Variants in PCBP3 observed in about 807,000 individuals in gnomAD.
The protein encoded by PCBP3 is poly(rC)-binding protein 3.
PCBP3 carries 25 observed loss-of-function variants against 52.7 expected under a neutral mutation model. That is an observed-to-expected ratio of 0.47 (90% CI 0.35 to 0.66). The LOEUF (loss-of-function observed/expected upper bound fraction) is 0.66, where lower values mean the gene tolerates loss of function less well. Among genes scored for constraint, PCBP3 ranks in the 30% least tolerant of loss-of-function variants. The pLI is 0.01. For missense variants in PCBP3, 391 were observed against 490.3 expected (o/e 0.80, Z 1.91); for synonymous variants, 162 against 183.0 (o/e 0.89, Z 0.93).
At chr21:45,717,739 A>G (rs750358632) in intron 2 of PCBP3, among the ~76,000 whole-genome samples, 2 of 152,028 alleles carry the variant, frequency 1.3e-5, no homozygotes, top group African/African-American at 2.4e-5. Flanking sequence ...GTTTGCTAAT[A>G]TTTTTGTTGT....
At chr21:45,726,215 C>A (rs2085030454) in intron 2 of PCBP3, among the ~76,000 whole-genome samples, 1 of 152,056 alleles carries the variant, frequency 6.6e-6, no homozygotes, top group Non-Finnish European at 1.5e-5. Context: ...AGGATTTGGT[C>A]TTGGACTTCA....
At chr21:45,858,201 G>C (rs1249764667) in intron 5 of PCBP3, 5 of 152,302 alleles carry the variant, frequency 3.3e-5, no homozygotes, top group Admixed American at 2.0e-4. Flanking sequence ...AGAAGTTACT[G>C]TAGGACCTGT....
intron 13 of PCBP3, among the ~76,000 whole-genome samples, chr21:45,926,352 T>A (rs886370182): frequency 1.3e-5 from 2 of 152,230 alleles, no homozygotes; most frequent in Non-Finnish European, 2.9e-5. Context: ...TAAACAACTG[T>A]GTTACTGGTT....
At chr21:45,781,552 C>T (rs562655344) in intron 4 of PCBP3, among the ~76,000 whole-genome samples, 26 of 152,236 alleles carry the variant, frequency 1.7e-4, no homozygotes, top group African/African-American at 6.0e-4. Context: ...GGAAATGGTA[C>T]AGTTACTTTG....
chr21:45,833,429 A>G (rs2093502241), intron 4 of PCBP3, among the ~76,000 whole-genome samples: 1 of 152,182 alleles, frequency 6.6e-6, no homozygotes, highest in South Asian at 2.1e-4. Context: ...CTTAGAACCT[A>G]AAAAATCCAG....
Position 45,788,027 on chromosome 21 carries a change from A to C in PCBP3, c.-126+32575A>C, listed in dbSNP as rs1280359351. On this transcript the variant is annotated intron_variant, in intron 4 of 17. Coordinates refer to ENST00000681687, the MANE Select transcript of PCBP3 (RefSeq NM_001384156.1). The surrounding 1 kb of genome is among the most constrained non-coding windows in gnomAD (Gnocchi z 4.3). ...GGAAGATGGGGGCACCTACAGTTGC[A>C]AGGTGGGCACCAGTTGTCAGGAGTT... 6.6e-6 allele frequency among the ~76,000 whole-genome samples: 1 copy of C among 152,164 alleles called. No individual in the cohort carries two copies. Among genetic ancestry groups the C allele is most frequent in the Non-Finnish European group, 1.5e-5 (1 of 68,016 alleles).
chr21:45,754,863 T>A (rs2087880290), intron 3 of PCBP3, among the ~76,000 whole-genome samples: 1 of 152,242 alleles, frequency 6.6e-6, no homozygotes, highest in African/African-American at 2.4e-5. Flanking sequence ...TGGTTACTTT[T>A]AAGATTTTCC....
At chr21:45,877,427 T>G (rs1382076756) in intron 5 of PCBP3, among the ~76,000 whole-genome samples, 1 of 152,230 alleles carries the variant, frequency 6.6e-6, no homozygotes, top group East Asian at 1.9e-4. Flanking sequence ...TTTGAATATT[T>G]TTTTAAAAAA....
intron 13 of PCBP3, among the ~76,000 whole-genome samples, chr21:45,921,250 A>T (rs1367208053): frequency 8.3e-6 from 1 of 120,110 alleles, no homozygotes; most frequent in Non-Finnish European, 2.1e-5. Context: ...ATATAATTAT[A>T]GAATATGTTG....
At chr21:45,718,297 A>G (rs1032621304) in intron 2 of PCBP3, among the ~76,000 whole-genome samples, 5 of 148,080 alleles carry the variant, frequency 3.4e-5, no homozygotes, top group African/African-American at 1.2e-4. Context: ...TATTCTGTTT[A>G]ATTTCTATTT....
chr21:45,866,790 C>A (rs2148540675), intron 5 of PCBP3, among the ~76,000 whole-genome samples: 1 of 152,282 alleles, frequency 6.6e-6, no homozygotes, highest in South Asian at 2.1e-4. Flanking sequence ...CCTCTCCTCT[C>A]CCCTCCCTTC....
At chr21:45,667,083 T>TTTCTTTCTTTCTTTCC (rs1409030135) in intron 1 of PCBP3, among the ~76,000 whole-genome samples, 14 of 61,374 alleles carry the variant, frequency 2.3e-4, no homozygotes, top group East Asian at 3.4e-3. Flanking sequence ...TTGTTCTTTC[T>TTTCTTTCTTTCTTTCC]TTCTTTCTTT....
intron 4 of PCBP3, among the ~76,000 whole-genome samples, chr21:45,822,978 A>ACCT (rs1351861014): frequency 2.0e-5 from 3 of 152,170 alleles, no homozygotes; most frequent in Non-Finnish European, 4.4e-5. Flanking sequence ...TGTGAGGCTG[A>ACCT]CCTGGGCCCT....
At chr21:45,678,445 C>T (rs1349500236) in intron 2 of PCBP3, among the ~76,000 whole-genome samples, 6 of 152,118 alleles carry the variant, frequency 3.9e-5, no homozygotes. Context: ...TTCTCGATGT[C>T]ATTAAGAACA....
At chr21:45,751,352 C>T (rs961710310) in intron 3 of PCBP3, 2 of 152,112 alleles carry the variant, frequency 1.3e-5, no homozygotes, top group Non-Finnish European at 2.9e-5. Context: ...TATAACATTA[C>T]ATTTGCTATT....
intron 17 of PCBP3, among the ~76,000 whole-genome samples, chr21:45,941,452 C>G (rs2077460412): frequency 6.6e-6 from 1 of 152,186 alleles, no homozygotes; most frequent in Admixed American, 6.5e-5. Context: ...CCATGCAGGG[C>G]TGGCTCACAC....
chr21:45,756,650 C>T (rs1335249955), intron 4 of PCBP3, among the ~76,000 whole-genome samples: 1 of 152,158 alleles, frequency 6.6e-6, no homozygotes, highest in Admixed American at 6.5e-5. Flanking sequence ...ATCACTATCA[C>T]CACCCGTAAA....
At chr21:45,793,164 C>T (rs1039131761) in intron 4 of PCBP3, among the ~76,000 whole-genome samples, 4 of 152,146 alleles carry the variant, frequency 2.6e-5, no homozygotes, top group African/African-American at 4.8e-5. Flanking sequence ...GACGGAGACT[C>T]GGTCAGACAC....
intron 4 of PCBP3, among the ~76,000 whole-genome samples, chr21:45,838,754 T>C (rs2147942844): frequency 6.6e-6 from 1 of 152,350 alleles, no homozygotes; most frequent in Non-Finnish European, 1.5e-5. Context: ...TTTGCACTTT[T>C]TTCTGTCTGT....
Sources: gnomAD v4.1 joint callset for allele counts (sites outside exome capture counted in the v4.1 genomes callset) on GRCh38, gnomAD v4.1.1 for gene constraint, Gnocchi (gnomAD v3.1) non-coding constraint, MANE v1.5 for transcripts, NCBI Gene and HGNC (gene_info 2026-07-23, HGNC 2026-07-21) for gene names.